HEATR5B: variants seen among roughly 807,000 people sequenced by gnomAD.
The protein encoded by HEATR5B is HEAT repeat containing 5B, also known as HEAT repeat-containing protein 5B.
HEATR5B carries 156 observed loss-of-function variants against 224.1 expected under a neutral mutation model. The ratio of observed to expected loss-of-function variants is 0.70; its 90% CI spans 0.61 to 0.80. The LOEUF is 0.80. HEATR5B is among the 30% of genes least tolerant of loss of function. The pLI, the probability that HEATR5B is intolerant of heterozygous loss-of-function variation, is 0.00. For missense variants in HEATR5B, 2,323 were observed against 2,535.5 expected (o/e 0.92, Z 1.80); for synonymous variants, 1,027 against 893.0 (o/e 1.15, Z -2.68).
chr2:37,026,931 T>C (rs950080413), intron 24 of HEATR5B, among the ~76,000 whole-genome samples: 1 of 152,186 alleles, frequency 6.6e-6, no homozygotes, highest in Non-Finnish European at 1.5e-5. Flanking sequence ...CCTGAGTAGC[T>C]GGGACTACAG....
rs200189195 is a variant in HEATR5B, at chr2:36,990,796, T to C, written c.5549A>G (p.Asp1850Gly). 1.9e-6 allele frequency: 3 copies of C among 1,545,032 alleles called. No homozygotes were observed. Among genetic ancestry groups the C allele is most frequent in the African/African-American group, 2.8e-5 (2 of 72,042 alleles). Reference sequence around the variant, plus strand: ...TACTTCATCAGGTGTAGGTACAGAGTCTTCTGAAAATGAAAAATGAAAGAA... The same window carrying C: ...TACTTCATCAGGTGTAGGTACAGAGCCTTCTGAAAATGAAAAATGAAAGAA... ...ACILEYSQPE[D>G]SVPTPDEVSM... The change falls in exon 34 of 36, where the codon GAC (aspartate) becomes GGC (glycine). Residue 1850 changes from aspartate to glycine, a missense_variant. Physicochemically the swap from Asp to Gly is moderately conservative, Grantham distance 94 (BLOSUM62 -1). Coordinates refer to ENST00000233099, the MANE Select transcript of HEATR5B (RefSeq NM_019024.3).
intron 28 of HEATR5B, 155 bp downstream of exon 28, chr2:37,008,456 T>C (rs1667568856): frequency 4.8e-6 from 3 of 628,268 alleles, no homozygotes; most frequent in East Asian, 2.7e-5. Flanking sequence ...AAATTCAATA[T>C]AGAGTACATA....
intron 14 of HEATR5B, among the ~76,000 whole-genome samples, chr2:37,057,688 A>G (rs920898679): frequency 2.0e-5 from 3 of 152,166 alleles, no homozygotes; most frequent in African/African-American, 4.8e-5. Context: ...TTTTAGCCCA[A>G]ATTATTTAAA....
In HEATR5B at chr2:37,002,587, A is replaced by G. The variant is rs765505050; in HGVS notation, c.5051-15T>C. The G allele has an allele frequency of 2.1e-5, 33 of 1,600,396 alleles. No homozygotes were observed. Among genetic ancestry groups the G allele is most frequent in the Non-Finnish European group, 2.8e-5 (33 of 1,172,244 alleles). Reference sequence around the variant, plus strand: ...ATCATCTTCATCTGAGGTAAAAGATAATTTGGTGAAATTTCCAGCCAAAAA... The same window carrying G: ...ATCATCTTCATCTGAGGTAAAAGATGATTTGGTGAAATTTCCAGCCAAAAA... On this transcript the variant is annotated splice_polypyrimidine_tract_variant and intron_variant, in intron 31 of 35. Transcript: ENST00000233099.
chr2:37,079,108 G>GT lies in HEATR5B; in HGVS notation c.338+11dup. 1 of 1,518,130 alleles carries GT rather than the reference G, an allele frequency of 6.6e-7. No homozygotes were observed. The highest frequency in any genetic ancestry group is 9.1e-7 in the Non-Finnish European group (1 of 1,101,866). The allele number at this position is 1,518,130 out of a possible 1,614,324, so 94.0% of individuals were successfully genotyped here. A position where few individuals can be genotyped will look rare whatever the true frequency, so the allele number is the denominator to read the frequency against. On this transcript the variant is annotated intron_variant, in intron 3 of 35. Coordinates refer to ENST00000233099, the MANE Select transcript of HEATR5B (RefSeq NM_019024.3). Reference sequence around the variant, plus strand: ...TAAAACTTCAAGGGCCCCTATTAAAGTAAGTACTTACAATTTTGTTGGTAA... The same window carrying GT: ...TAAAACTTCAAGGGCCCCTATTAAAGTTAAGTACTTACAATTTTGTTGGTAA...
intron 19 of HEATR5B, among the ~76,000 whole-genome samples, chr2:37,040,830 A>C (rs541817292): frequency 1.4e-4 from 21 of 152,184 alleles, no homozygotes; most frequent in South Asian, 4.1e-4. Flanking sequence ...GTTATTTAAA[A>C]AAAAAACTTG....
At chr2:37,009,892 A>G (rs1164265848) in intron 27 of HEATR5B, among the ~76,000 whole-genome samples, 1 of 152,012 alleles carries the variant, frequency 6.6e-6, no homozygotes, top group Non-Finnish European at 1.5e-5. Context: ...AAAAAGAGAC[A>G]TCAGAAAGGA....
intron 27 of HEATR5B, among the ~76,000 whole-genome samples, chr2:37,009,256 C>CAAAAAAAA (rs57022846): frequency 1.7e-4 from 11 of 65,630 alleles, no homozygotes; most frequent in Non-Finnish European, 3.1e-4. Flanking sequence ...GACTCTGTCT[C>CAAAAAAAA]AAAAAAAAAA....
intron 2 of HEATR5B, among the ~76,000 whole-genome samples, chr2:37,079,577 C>A (rs1240680166): frequency 2.0e-5 from 3 of 152,156 alleles, no homozygotes; most frequent in African/African-American, 7.2e-5. Flanking sequence ...TAAAGTGACT[C>A]TGATTCAAAA....
Position 37,005,651 on chromosome 2 carries a change from A to C in HEATR5B, c.4886T>G (p.Val1629Gly). Residue 1629 changes from valine (V) to glycine (G), a missense_variant, in exon 30 of 36, where the codon GTC (valine) becomes GGC (glycine). This residue lies in a region of HEATR5B where 844 missense variants were observed against 812.9 expected (regional missense o/e 1.04). Transcript: ENST00000233099. ...CTGTACCTGATCTTCTGCAATATGG[A>C]CTCGAGCATAAGGGGAGTCTAGCAA... ...HTLLDSPYAR[V>G]HIAEDQLIGV... is the part of the protein sequence containing the mutation. 6.2e-7 allele frequency: 1 copy of C among 1,613,598 alleles called. No homozygotes were observed. Among genetic ancestry groups the C allele is most frequent in the Non-Finnish European group, 8.5e-7 (1 of 1,179,642 alleles).
At chr2:37,020,214 C>T (rs575614690) in intron 25 of HEATR5B, among the ~76,000 whole-genome samples, 22 of 152,232 alleles carry the variant, frequency 1.4e-4, no homozygotes, top group Non-Finnish European at 2.8e-4. Flanking sequence ...CTCAGTAATA[C>T]CTTTAACTGT....
At chr2:36,998,564 G>A (rs1247267011) in intron 33 of HEATR5B, among the ~76,000 whole-genome samples, 3 of 152,252 alleles carry the variant, frequency 2.0e-5, no homozygotes, top group South Asian at 2.1e-4. Context: ...CACAGCACAC[G>A]TGCATGAGAA....
intron 2 of HEATR5B, among the ~76,000 whole-genome samples, chr2:37,080,167 A>G (rs901492251): frequency 1.3e-5 from 2 of 152,204 alleles, no homozygotes; most frequent in Non-Finnish European, 2.9e-5. Flanking sequence ...AAGAGAAAGT[A>G]GTAAGAGATG....
chr2:36,981,577 T>C lies in HEATR5B; in HGVS notation c.6129A>G (p.Gln2043=), dbSNP rs201596341. 1.2e-6 allele frequency: 2 copies of C among 1,614,258 alleles called. No homozygotes were observed. The highest frequency in any genetic ancestry group is 1.7e-5 in the Admixed American group (1 of 60,022). Residue 2043 remains glutamine, a synonymous_variant, in exon 36 of 36, where the codon CAA becomes CAG. Transcript: ENST00000233099. ...TGGCAGCCGCTTTAGCTTTGCTCGC[T>C]TGGCTTGCTCGAACGGCAGTTTCTA... ...VRLETAVRAS[Q]ASKAKAAARQ...
At chr2:36,998,056 C>G (rs1666845697) in intron 33 of HEATR5B, among the ~76,000 whole-genome samples, 1 of 152,156 alleles carries the variant, frequency 6.6e-6, no homozygotes, top group African/African-American at 2.4e-5. Flanking sequence ...ATTACATTCT[C>G]ACATGGATGA....
intron 5 of HEATR5B, among the ~76,000 whole-genome samples, chr2:37,072,722 A>C (rs1671980744): frequency 6.6e-6 from 1 of 152,184 alleles, no homozygotes; most frequent in African/African-American, 2.4e-5. Context: ...AAGACTAATA[A>C]ATTTGATAAA....
chr2:37,031,946 C>G lies in HEATR5B; in HGVS notation c.3361+683G>C, dbSNP rs180923069. Among the ~76,000 whole-genome samples, 62 of 110,864 alleles carry G rather than the reference C, an allele frequency of 5.6e-4. 1 individual carries two copies. The Admixed American group carries it at 5.8e-3, about 10-fold the overall frequency. The allele number at this position is 110,864 out of a possible 152,430, so 72.7% of individuals were successfully genotyped here. ...AAAAAGGCAGAAAGATAGCAGAAGA[C>G]CACCTAGGAATTTAAGCTATACCTA... On this transcript the variant is annotated intron_variant, in intron 22 of 35. Transcript: ENST00000233099.
chr2:37,000,059 C>T lies in HEATR5B; in HGVS notation c.5545+527G>A, dbSNP rs144166761. 4.0e-5 allele frequency among the ~76,000 whole-genome samples: 6 copies of T among 151,592 alleles called. No individual in the cohort carries two copies. In the East Asian group the frequency reaches 1.2e-3, roughly 30 times the overall value. On this transcript the variant is annotated intron_variant, in intron 33 of 35. Coordinates refer to ENST00000233099, the MANE Select transcript of HEATR5B (RefSeq NM_019024.3). ...AAAACCCCAAAAAACAAAAAACCTCCCAGTATATTTATATATATATTTTTT... is the reference window on the plus strand; with the variant it reads ...AAAACCCCAAAAAACAAAAAACCTCTCAGTATATTTATATATATATTTTTT...
chr2:37,025,352 A>C (rs1013735415), intron 24 of HEATR5B, among the ~76,000 whole-genome samples: 2 of 152,198 alleles, frequency 1.3e-5, no homozygotes, highest in African/African-American at 2.4e-5. Flanking sequence ...TCTTTCAAGA[A>C]TATATAAACA....
Sources: allele counts gnomAD v4.1 joint callset (sites outside exome capture counted in the v4.1 genomes callset), GRCh38; gene constraint gnomAD v4.1.1; regional missense constraint gnomAD v4.1.1; transcripts MANE v1.5; gene names NCBI Gene and HGNC (gene_info 2026-07-23, HGNC 2026-07-21).